The following IL1RAPL1 variants were observed in gnomAD, a reference collection of about 807,000 sequenced individuals.
IL1RAPL1 encodes interleukin 1 receptor accessory protein like 1.
In IL1RAPL1, 3 loss-of-function variants were observed where a neutral mutation model predicts 48.4. That is an observed-to-expected ratio of 0.06 (90% confidence interval 0.03 to 0.16). The LOEUF (loss-of-function observed/expected upper bound fraction) is 0.16. Among genes scored for constraint, IL1RAPL1 ranks in the 10% least tolerant of loss-of-function variants. The pLI is 1.00. For missense variants in IL1RAPL1, 349 were observed against 530.6 expected (o/e 0.66, Z 3.36); for synonymous variants, 185 against 187.7 (o/e 0.99, Z 0.12).
chrX:29,480,099 C>T (rs1308758842), intron 5 of IL1RAPL1, among the ~76,000 whole-genome samples: 3 of 108,239 alleles, frequency 2.8e-5, no homozygotes, highest in African/African-American at 1.0e-4. Flanking sequence ...TCTTTGTCCT[C>T]GTATGTTCCC....
chrX:29,806,016 G>T (rs369785787), intron 6 of IL1RAPL1, among the ~76,000 whole-genome samples: 3 of 108,035 alleles, frequency 2.8e-5, no homozygotes, highest in East Asian at 5.8e-4. Flanking sequence ...AGGGAGGGAG[G>T]GAGAGAAATA....
chrX:29,424,541 T>C (rs761335681), intron 5 of IL1RAPL1, among the ~76,000 whole-genome samples: 1 of 111,501 alleles, frequency 9.0e-6, no homozygotes, highest in African/African-American at 3.3e-5. Context: ...TTCTGATTGA[T>C]CACTTGGGGC....
At chrX:28,751,978 A>G (rs746823872) in intron 1 of IL1RAPL1, among the ~76,000 whole-genome samples, 2 of 111,890 alleles carry the variant, frequency 1.8e-5, no homozygotes, top group South Asian at 3.7e-4. Flanking sequence ...AAGTTTCTTA[A>G]TAGAAAACTT....
intron 2 of IL1RAPL1, among the ~76,000 whole-genome samples, chrX:29,182,903 A>C (rs1402977010): frequency 9.0e-6 from 1 of 111,336 alleles, no homozygotes; most frequent in Non-Finnish European, 1.9e-5. Flanking sequence ...AGTTAGAGTC[A>C]GAGAGGATGA....
At chrX:29,605,678 C>T (rs1293121957) in intron 5 of IL1RAPL1, among the ~76,000 whole-genome samples, 1 of 111,742 alleles carries the variant, frequency 8.9e-6, no homozygotes, top group Non-Finnish European at 1.9e-5. Context: ...AAAATGGATA[C>T]TCGTTATTAT....
At chrX:29,209,336 GT>G (rs781335309) in intron 2 of IL1RAPL1, among the ~76,000 whole-genome samples, 3 of 111,681 alleles carry the variant, frequency 2.7e-5, no homozygotes, top group Non-Finnish European at 5.6e-5. Context: ...ATTGCTTTCT[GT>G]TTGTGAATTA....
At chrX:28,914,190 C>T (rs912857027) in intron 2 of IL1RAPL1, among the ~76,000 whole-genome samples, 6 of 110,380 alleles carry the variant, frequency 5.4e-5, no homozygotes, top group East Asian at 2.9e-4. Context: ...TGTGCTGGAT[C>T]GGTACAGAAA....
chrX:28,907,493 G>A (rs1186460147), intron 2 of IL1RAPL1, among the ~76,000 whole-genome samples: 2 of 112,327 alleles, frequency 1.8e-5, no homozygotes, highest in African/African-American at 6.5e-5. Flanking sequence ...GACCTCAAGT[G>A]ATGCGTACAC....
chrX:28,867,769 A>G (rs1455541214), intron 2 of IL1RAPL1, among the ~76,000 whole-genome samples: 1 of 111,014 alleles, frequency 9.0e-6, no homozygotes, highest in African/African-American at 3.3e-5. Flanking sequence ...AGTAAAATGG[A>G]GAGAGAAAAG....
At chrX:28,667,088 T>C (rs1934888857) in intron 1 of IL1RAPL1, among the ~76,000 whole-genome samples, 1 of 111,947 alleles carries the variant, frequency 8.9e-6, no homozygotes, top group African/African-American at 3.2e-5. Context: ...CCATTTTTTA[T>C]TGAAGAGATG....
intron 5 of IL1RAPL1, among the ~76,000 whole-genome samples, chrX:29,529,595 G>A (rs1380492538): frequency 5.3e-5 from 3 of 56,334 alleles, no homozygotes; most frequent in African/African-American, 2.2e-4. Context: ...GAGTGCCTCT[G>A]TCTCAAAAAA....
At chrX:29,876,496 AAT>A (rs1931907817) in intron 6 of IL1RAPL1, among the ~76,000 whole-genome samples, 1 of 112,212 alleles carries the variant, frequency 8.9e-6, no homozygotes, top group Admixed American at 9.5e-5. Context: ...ATAAGAGACT[AAT>A]AAAATAAGTG....
At chrX:28,703,437 G>A (rs1935325865) in intron 1 of IL1RAPL1, among the ~76,000 whole-genome samples, 1 of 111,564 alleles carries the variant, frequency 9.0e-6, no homozygotes, top group Non-Finnish European at 1.9e-5. Context: ...AGTTCTTGTA[G>A]TATCATTCTT....
At chrX:29,280,751 A>G (rs1334475182) in intron 2 of IL1RAPL1, among the ~76,000 whole-genome samples, 1 of 111,907 alleles carries the variant, frequency 8.9e-6, no homozygotes, top group Non-Finnish European at 1.9e-5. Flanking sequence ...GTGGATGCAT[A>G]ATATAACATC....
At chrX:28,938,340 T>C (rs981112609) in intron 2 of IL1RAPL1, among the ~76,000 whole-genome samples, 2 of 110,240 alleles carry the variant, frequency 1.8e-5, no homozygotes, top group African/African-American at 6.6e-5. Context: ...TGAAACAGAA[T>C]AGAGAGCTCA....
At chrX:28,979,139 G>A (rs1001509245) in intron 2 of IL1RAPL1, among the ~76,000 whole-genome samples, 3 of 111,708 alleles carry the variant, frequency 2.7e-5, no homozygotes, top group Non-Finnish European at 3.8e-5. Context: ...TGAGAGAATT[G>A]TTTTCAACAG....
chrX:28,788,757 T>A (rs1334150072), intron 1 of IL1RAPL1, among the ~76,000 whole-genome samples: 1 of 110,376 alleles, frequency 9.1e-6, no homozygotes, highest in African/African-American at 3.3e-5. Flanking sequence ...CATGAGCCAC[T>A]GTGCCTGGCC....
intron 2 of IL1RAPL1, among the ~76,000 whole-genome samples, chrX:28,837,226 CATTT>C (rs1333183629): frequency 9.0e-6 from 1 of 110,524 alleles, no homozygotes; most frequent in African/African-American, 3.3e-5. Context: ...TCAGAGAACT[CATTT>C]ATTTATGAGA....
intron 3 of IL1RAPL1, among the ~76,000 whole-genome samples, chrX:29,389,107 A>G (rs1933821500): frequency 9.0e-6 from 1 of 111,320 alleles, no homozygotes; most frequent in Non-Finnish European, 1.9e-5. Flanking sequence ...CTGTAATTCC[A>G]GCACTTTGGG....
Sources: allele counts gnomAD v4.1 joint callset (sites outside exome capture counted in the v4.1 genomes callset), GRCh38; gene constraint gnomAD v4.1.1; transcripts MANE v1.5; gene names NCBI Gene and HGNC (gene_info 2026-07-23, HGNC 2026-07-21).